The following FAM114A2 variants were observed in gnomAD, a reference collection of about 807,000 sequenced individuals.
The protein encoded by FAM114A2 is protein FAM114A2.
A neutral mutation model predicts 58.4 loss-of-function variants in FAM114A2; 53 were observed. That is an observed-to-expected ratio of 0.91 (90% confidence interval 0.73 to 1.14). FAM114A2 has a LOEUF of 1.14. Ranked by LOEUF, FAM114A2 falls within the 50% of genes most tolerant of loss-of-function variation. The pLI is 0.00. For missense variants in FAM114A2, 601 were observed against 581.1 expected (o/e 1.03, Z -0.35); for synonymous variants, 228 against 211.4 (o/e 1.08, Z -0.68).
At chr5:154,011,200 A>G (rs771913946) in intron 9 of FAM114A2, 41 bp downstream of exon 9, 1 of 1,420,668 alleles carries the variant, frequency 7.0e-7, no homozygotes, top group Non-Finnish European at 9.9e-7. Context: ...CTACATTTTT[A>G]CAAGTAAAAT....
intron 8 of FAM114A2, among the ~76,000 whole-genome samples, chr5:154,018,667 T>C (rs775080050): frequency 6.6e-6 from 1 of 152,164 alleles, no homozygotes; most frequent in East Asian, 1.9e-4. Flanking sequence ...AACAAAGTAC[T>C]AGCTAACCAA....
In FAM114A2 at chr5:153,997,852, T is replaced by G. The variant is rs373121338; in HGVS notation, c.1280A>C (p.Glu427Ala). The stretch of plus-strand genomic sequence containing the variant: ...GAACTCTTTAGACAGAGAGGACAAC[T>G]CTTTACACAACACAATTGTCATCCT... ...LSQMTIVLCK[E>A]LSSLSKEFTT... Residue 427 changes from glutamate (E) to alanine (A), a missense_variant, in exon 12 of 14, where the codon GAG becomes GCG. Coordinates refer to ENST00000351797, the MANE Select transcript of FAM114A2 (RefSeq NM_018691.4). 17 of 1,604,210 alleles carry G rather than the reference T, an allele frequency of 1.1e-5. No individual in the cohort carries two copies. Among genetic ancestry groups the G allele is most frequent in the Non-Finnish European group, 1.5e-5 (17 of 1,171,614 alleles).
rs59757780 is a variant in FAM114A2 at position 154,031,312 on chromosome 5, C to CAAAAA, written c.404-1737_404-1733dup. On this transcript the variant is annotated intron_variant, in intron 4 of 13. Coordinates refer to ENST00000351797, the MANE Select transcript of FAM114A2 (RefSeq NM_018691.4). ...GGGCGACAGAGTGAGACTCCCTCTCCAAAAAAAAAAAAAAAAGCCTTAAAG... is the reference window on the plus strand; with the variant it reads ...GGGCGACAGAGTGAGACTCCCTCTCCAAAAAAAAAAAAAAAAAAAAAGCCTTAAAG... 2.1e-4 allele frequency among the ~76,000 whole-genome samples: 10 copies of CAAAAA among 47,846 alleles called. 1 individual carries two copies. The East Asian group carries it at 8.2e-3, about 39-fold the overall frequency. The allele number at this position is 47,846 out of a possible 152,430, so 31.4% of individuals were successfully genotyped here.
At chr5:154,008,670 GTGTA>G (rs948632025) in intron 9 of FAM114A2, among the ~76,000 whole-genome samples, 1 of 151,254 alleles carries the variant, frequency 6.6e-6, no homozygotes, top group African/African-American at 2.4e-5. Context: ...AGCACTATAT[GTGTA>G]TGTGTGTGTG....
At chr5:154,024,997 T>C (rs1771682188) in intron 8 of FAM114A2, among the ~76,000 whole-genome samples, 1 of 152,202 alleles carries the variant, frequency 6.6e-6, no homozygotes, top group Non-Finnish European at 1.5e-5. Flanking sequence ...ATAAATTAGT[T>C]GCTCTCCTTG....
At chr5:153,999,331 T>A (rs1769811396) in intron 11 of FAM114A2, among the ~76,000 whole-genome samples, 1 of 152,088 alleles carries the variant, frequency 6.6e-6, no homozygotes, top group South Asian at 2.1e-4. Flanking sequence ...AGAATGGCTA[T>A]CATTATTAAA....
intron 8 of FAM114A2, among the ~76,000 whole-genome samples, chr5:154,015,391 A>G (rs1044089482): frequency 6.6e-6 from 1 of 152,170 alleles, no homozygotes; most frequent in Non-Finnish European, 1.5e-5. Context: ...CGACACCTCC[A>G]GCAAAACAGG....
At chr5:154,020,453 A>T (rs1771335529) in intron 8 of FAM114A2, among the ~76,000 whole-genome samples, 1 of 152,216 alleles carries the variant, frequency 6.6e-6, no homozygotes, top group South Asian at 2.1e-4. Flanking sequence ...TAAAAAAATG[A>T]TGAAGAGTAT....
intron 1 of FAM114A2, chr5:154,038,476 A>G (rs1328901920): frequency 6.6e-6 from 1 of 152,262 alleles, no homozygotes; most frequent in African/African-American, 2.4e-5. Flanking sequence ...GGCTTGGAAC[A>G]GTGACCGGCA....
At chr5:153,997,900 A>C in intron 11 of FAM114A2, 25 bp from the exon 12 acceptor site, 1 of 1,442,236 alleles carries the variant, frequency 6.9e-7, no homozygotes, top group Middle Eastern at 1.8e-4. Context: ...AAAAGTCAGA[A>C]ACGTTTTTTC....
chr5:153,995,054 AC>A, intron 12 of FAM114A2, 82 bp from the exon 13 acceptor site: 1 of 833,800 alleles, frequency 1.2e-6, no homozygotes, highest in South Asian at 1.4e-5. Context: ...TAAAACACAC[AC>A]ACACACCCAT....
chr5:154,024,608 C>A (rs1289485904), intron 8 of FAM114A2, among the ~76,000 whole-genome samples: 1 of 152,084 alleles, frequency 6.6e-6, no homozygotes. Flanking sequence ...ATAGCCTTTT[C>A]AGATCATTAT....
At chr5:154,026,922 CAT>C (rs905046991) in intron 7 of FAM114A2, among the ~76,000 whole-genome samples, 1 of 149,902 alleles carries the variant, frequency 6.7e-6, no homozygotes, top group African/African-American at 2.5e-5. Flanking sequence ...AAAAATAACA[CAT>C]GTCCTATTAA....
intron 8 of FAM114A2, among the ~76,000 whole-genome samples, chr5:154,013,046 A>G (rs1378492297): frequency 6.6e-6 from 1 of 151,618 alleles, no homozygotes; most frequent in Non-Finnish European, 1.5e-5. Context: ...AATTTATATG[A>G]ATTTACAGAT....
At chr5:154,017,867 T>C (rs77173563) in intron 8 of FAM114A2, among the ~76,000 whole-genome samples, 331 of 152,316 alleles carry the variant, frequency 2.2e-3, no homozygotes, top group Non-Finnish European at 3.5e-3. Context: ...AATTAAATTC[T>C]TCAAACTGAA....
chr5:154,003,179 A>ATT (rs1169742842), intron 9 of FAM114A2, among the ~76,000 whole-genome samples: 5 of 144,806 alleles, frequency 3.5e-5, no homozygotes, highest in African/African-American at 1.3e-4. Context: ...AATTGGTAGT[A>ATT]TTTTTTTTTT....
In FAM114A2 at chr5:153,997,797, T is replaced by C; in HGVS notation, c.1329+6A>G. Reference sequence around the variant, plus strand: ...CATTATTGCAGTAAGAGGCATGGATTCTTACCCCAGCAGTTGTTAGGCAGG... The same window carrying C: ...CATTATTGCAGTAAGAGGCATGGATCCTTACCCCAGCAGTTGTTAGGCAGG... On this transcript the variant is annotated splice_donor_region_variant and intron_variant, in intron 12 of 13. Transcript: ENST00000351797. 1 of 1,533,004 alleles carries C rather than the reference T, an allele frequency of 6.5e-7. No individual in the cohort carries two copies. The highest frequency in any genetic ancestry group is 2.2e-5 in the East Asian group (1 of 44,466). The allele number at this position is 1,533,004 out of a possible 1,614,324, so 95.0% of individuals were successfully genotyped here.
At chr5:154,011,743 GA>G (rs1770714239) in intron 8 of FAM114A2, among the ~76,000 whole-genome samples, 1 of 152,196 alleles carries the variant, frequency 6.6e-6, no homozygotes, top group African/African-American at 2.4e-5. Context: ...GCGCTTCCAA[GA>G]AAGTGGAGTT....
At chr5:153,996,098 C>A (rs1308468436) in intron 12 of FAM114A2, among the ~76,000 whole-genome samples, 1 of 152,156 alleles carries the variant, frequency 6.6e-6, no homozygotes, top group Non-Finnish European at 1.5e-5. Flanking sequence ...GTCAAAAAAT[C>A]TTGAAAATAA....
Sources: allele counts gnomAD v4.1 joint callset (sites outside exome capture counted in the v4.1 genomes callset), GRCh38; gene constraint gnomAD v4.1.1; transcripts MANE v1.5; gene names NCBI Gene and HGNC (gene_info 2026-07-23, HGNC 2026-07-21).